Variants in RHOJ observed in about 807,000 individuals in gnomAD.
RHOJ encodes rho-related GTP-binding protein RhoJ.
In RHOJ, 11 loss-of-function variants were observed where a neutral mutation model predicts 23.4. That is an observed-to-expected ratio of 0.47 (90% confidence interval 0.30 to 0.78). The LOEUF is 0.78. RHOJ is among the 30% of genes least tolerant of loss of function. The pLI, the probability that RHOJ is intolerant of heterozygous loss-of-function variation, is 0.08. For synonymous variants in RHOJ, 102 were observed against 102.7 expected (o/e 0.99, Z 0.04); for missense variants, 254 against 273.4 (o/e 0.93, Z 0.50).
chr14:63,210,718 T>C (rs1336343568), intron 1 of RHOJ, among the ~76,000 whole-genome samples: 1 of 152,222 alleles, frequency 6.6e-6, no homozygotes, highest in African/African-American at 2.4e-5. Context: ...TCACTTGACA[T>C]ATAGCATAAG....
chr14:63,281,695 C>T (rs1273421322), intron 3 of RHOJ, among the ~76,000 whole-genome samples: 2 of 152,140 alleles, frequency 1.3e-5, no homozygotes, highest in South Asian at 2.1e-4. Context: ...AACAAACCTA[C>T]GACTGTGAAA....
chr14:63,254,773 C>T (rs748480115), intron 1 of RHOJ, among the ~76,000 whole-genome samples: 1 of 151,898 alleles, frequency 6.6e-6, no homozygotes, highest in African/African-American at 2.4e-5. Context: ...CCATGGTAGA[C>T]AGATGGACAG....
At chr14:63,226,259 T>C (rs146384505) in intron 1 of RHOJ, among the ~76,000 whole-genome samples, 1 of 151,642 alleles carries the variant, frequency 6.6e-6, no homozygotes, top group Admixed American at 6.6e-5. Flanking sequence ...AAAAACATAA[T>C]GAAACAATTA....
At chr14:63,211,197 A>T (rs1283079176) in intron 1 of RHOJ, among the ~76,000 whole-genome samples, 2 of 152,130 alleles carry the variant, frequency 1.3e-5, no homozygotes, top group Non-Finnish European at 2.9e-5. Context: ...CAGGGGGAAA[A>T]AATAACATAA....
At chr14:63,244,215 A>G (rs1021116375) in intron 1 of RHOJ, among the ~76,000 whole-genome samples, 11 of 152,188 alleles carry the variant, frequency 7.2e-5, no homozygotes, top group African/African-American at 2.7e-4. Context: ...AATAAATTTT[A>G]GCTGCTATTG....
At chr14:63,217,684 A>G (rs1290492275) in intron 1 of RHOJ, among the ~76,000 whole-genome samples, 2 of 152,220 alleles carry the variant, frequency 1.3e-5, no homozygotes, top group Non-Finnish European at 2.9e-5. Context: ...GACAAAATTG[A>G]CAAATGGGAT....
intron 4 of RHOJ, 102 bp from the exon 5 acceptor site, chr14:63,290,776 G>A: frequency 9.0e-7 from 1 of 1,115,122 alleles, no homozygotes; most frequent in Non-Finnish European, 1.3e-6. Context: ...CAGGCTGTTT[G>A]TAGGACAGGC....
intron 2 of RHOJ, among the ~76,000 whole-genome samples, chr14:63,272,113 C>CT (rs58481354): frequency 0.34 from 51,651 of 152,072 alleles, 12,369 homozygotes; most frequent in African/African-American, 0.68. Context: ...AGAAGCACTA[C>CT]CTAAACGTTT....
chr14:63,249,879 G>A (rs1895038617), intron 1 of RHOJ, among the ~76,000 whole-genome samples: 1 of 152,202 alleles, frequency 6.6e-6, no homozygotes, highest in Non-Finnish European at 1.5e-5. Flanking sequence ...ACTGCTCTTA[G>A]TAGAACCACG....
rs1180803274 is a variant in RHOJ, at chr14:63,264,644, T to C, written c.179-4466T>C. 2.0e-5 allele frequency among the ~76,000 whole-genome samples: 3 copies of C among 152,234 alleles called. No individual in the cohort carries two copies. The South Asian group carries it at 6.2e-4, about 31-fold the overall frequency. On this transcript the variant is annotated intron_variant, in intron 1 of 4. Coordinates refer to ENST00000316754, the MANE Select transcript of RHOJ (RefSeq NM_020663.5). ...AACTAATTTACATTTCCACTAATAG[T>C]GTATAAGGTTTCCCTTTTCTCCACA...
At chr14:63,281,984 A>C (rs947587056) in intron 3 of RHOJ, among the ~76,000 whole-genome samples, 10 of 152,186 alleles carry the variant, frequency 6.6e-5, no homozygotes, top group African/African-American at 2.2e-4. Context: ...GAAAAGAAAA[A>C]TATTTCCTGA....
chr14:63,281,676 T>G (rs1425686351), intron 3 of RHOJ, among the ~76,000 whole-genome samples: 1 of 152,320 alleles, frequency 6.6e-6, no homozygotes, highest in Admixed American at 6.5e-5. Context: ...AAAACACATA[T>G]ACCAGCTAAA....
intron 1 of RHOJ, among the ~76,000 whole-genome samples, chr14:63,237,910 TA>T (rs1163238222): frequency 6.6e-6 from 1 of 152,204 alleles, no homozygotes; most frequent in Non-Finnish European, 1.5e-5. Context: ...AGGTGTGAGA[TA>T]AATTTTTCTT....
At chr14:63,286,894 G>A (rs1319396150) in intron 4 of RHOJ, among the ~76,000 whole-genome samples, 1 of 152,230 alleles carries the variant, frequency 6.6e-6, no homozygotes, top group Non-Finnish European at 1.5e-5. Flanking sequence ...TGATCATAAT[G>A]CTGACTTGTT....
chr14:63,247,298 A>T (rs1235892313), intron 1 of RHOJ, among the ~76,000 whole-genome samples: 1 of 152,146 alleles, frequency 6.6e-6, no homozygotes, highest in Non-Finnish European at 1.5e-5. Context: ...CTAGAACAGC[A>T]CCTCCAGTGG....
intron 1 of RHOJ, among the ~76,000 whole-genome samples, chr14:63,266,098 A>C (rs1248402759): frequency 6.6e-6 from 1 of 152,158 alleles, no homozygotes; most frequent in Non-Finnish European, 1.5e-5. Context: ...AAGGAAAAGG[A>C]ATTTTCTATG....
intron 2 of RHOJ, among the ~76,000 whole-genome samples, chr14:63,279,826 T>A (rs1450707103): frequency 6.6e-6 from 1 of 152,242 alleles, no homozygotes; most frequent in Non-Finnish European, 1.5e-5. Flanking sequence ...GTTTTGCATG[T>A]TAGTTCATTT....
chr14:63,286,557 G>A lies in RHOJ; in HGVS notation c.498+3341G>A, dbSNP rs555296644. 4.5e-4 allele frequency among the ~76,000 whole-genome samples: 69 copies of A among 152,248 alleles called. No homozygotes were observed. In the South Asian group the frequency reaches 0.012, roughly 27 times the overall value. The stretch of plus-strand genomic sequence containing the variant: ...GACGGGCCAAAGTTCACCCACAAAT[G>A]TTTTCATTAGTCCAAACACATATTT... On this transcript the variant is annotated intron_variant, in intron 4 of 4. Coordinates refer to ENST00000316754, the MANE Select transcript of RHOJ (RefSeq NM_020663.5).
In RHOJ at chr14:63,204,579, G is replaced by A; in HGVS notation, c.-291G>A. ...ACCCTCAGGCTGCTGAAATTTCTAG[G>A]CTGTTAGGAAGCCCCTCGAATTCTG... is the stretch of plus-strand genomic sequence containing the variant. On this transcript the variant is annotated 5_prime_UTR_variant, in exon 1 of 5. Transcript: ENST00000316754. 2.3e-6 allele frequency: 1 copy of A among 427,822 alleles called. No individual in the cohort carries two copies. 26.5% of individuals were successfully genotyped at this position (427,822 alleles called of 1,614,324 possible). A position where few individuals can be genotyped will look rare whatever the true frequency, so the allele number is the denominator to read the frequency against.
Sources: allele counts gnomAD v4.1 joint callset (sites outside exome capture counted in the v4.1 genomes callset), GRCh38; gene constraint gnomAD v4.1.1; transcripts MANE v1.5; gene names NCBI Gene and HGNC (gene_info 2026-07-23, HGNC 2026-07-21).